Variants in SULF2 observed in about 807,000 individuals in gnomAD.
SULF2 encodes extracellular sulfatase Sulf-2.
A neutral mutation model predicts 107.7 loss-of-function variants in SULF2; 52 were observed. That is an observed-to-expected ratio of 0.48 (90% CI 0.39 to 0.61). The LOEUF is 0.61. Ranked by LOEUF, SULF2 falls within the 20% of genes least tolerant of loss-of-function variation. The pLI is 0.00. For synonymous variants in SULF2, 460 were observed against 464.3 expected (o/e 0.99, Z 0.12); for missense variants, 993 against 1,177.3 (o/e 0.84, Z 2.29).
At chr20:47,750,737 C>T (rs2146871479) in intron 2 of SULF2, among the ~76,000 whole-genome samples, 1 of 152,334 alleles carries the variant, frequency 6.6e-6, no homozygotes, top group East Asian at 1.9e-4. Flanking sequence ...CCAACCACCA[C>T]CTCCCTATTA....
intron 2 of SULF2, among the ~76,000 whole-genome samples, chr20:47,747,990 T>C (rs763310756): frequency 1.7e-4 from 26 of 152,102 alleles, no homozygotes; most frequent in Non-Finnish European, 3.7e-4. Flanking sequence ...CACCACCTGA[T>C]CTCCCTGCTT....
At chr20:47,759,226 A>G (rs2090363401) in intron 1 of SULF2, among the ~76,000 whole-genome samples, 1 of 152,112 alleles carries the variant, frequency 6.6e-6, no homozygotes, top group South Asian at 2.1e-4. Flanking sequence ...CTGGCTGCTC[A>G]TGGCTCACAG....
chr20:47,728,415 G>A (rs59771951), intron 3 of SULF2, among the ~76,000 whole-genome samples: 218 of 152,270 alleles, frequency 1.4e-3, no homozygotes, highest in African/African-American at 4.9e-3. Flanking sequence ...AGAAGAAAGA[G>A]GAGGAAAGGC....
rs182523389 is a variant in SULF2, at chr20:47,728,602, C to T, written c.415+8101G>A. 6.3e-3 allele frequency among the ~76,000 whole-genome samples: 952 copies of T among 152,212 alleles called. 37 individuals are homozygous for T. Among genetic ancestry groups the T allele is most frequent in the Admixed American group, 0.056 (857 of 15,282 alleles). On this transcript the variant is annotated intron_variant, in intron 3 of 20. Coordinates refer to ENST00000688720, the MANE Select transcript of SULF2 (RefSeq NM_001387048.1). ...GGCACTCTCTAGGCCTGGCAACCCGCGAGGGCACAGAACAGAGGCCGCTGC... is the reference window on the plus strand; with the variant it reads ...GGCACTCTCTAGGCCTGGCAACCCGTGAGGGCACAGAACAGAGGCCGCTGC...
intron 5 of SULF2, among the ~76,000 whole-genome samples, chr20:47,686,779 C>T (rs1602644481): frequency 6.6e-6 from 1 of 152,324 alleles, no homozygotes; most frequent in Admixed American, 6.5e-5. Flanking sequence ...GTCACTGTCT[C>T]CAAGGCTCCC....
At chr20:47,748,969 T>C (rs1057341827) in intron 2 of SULF2, among the ~76,000 whole-genome samples, 7 of 152,158 alleles carry the variant, frequency 4.6e-5, no homozygotes, top group African/African-American at 1.4e-4. Flanking sequence ...TGTGGCTAAG[T>C]AAATAAGATC....
chr20:47,720,952 T>C (rs1321112929), intron 3 of SULF2, among the ~76,000 whole-genome samples: 1 of 152,172 alleles, frequency 6.6e-6, no homozygotes, highest in Non-Finnish European at 1.5e-5. Flanking sequence ...AGATGTGAAA[T>C]GCCACAGGAC....
At chr20:47,760,888 C>T (rs907914100) in intron 1 of SULF2, among the ~76,000 whole-genome samples, 9 of 152,212 alleles carry the variant, frequency 5.9e-5, no homozygotes, top group East Asian at 1.9e-4. Flanking sequence ...AGAGCCACTG[C>T]GGCAACTGCC....
chr20:47,702,504 A>G lies in SULF2; in HGVS notation c.567+15T>C. 6.2e-7 allele frequency: 1 copy of G among 1,608,210 alleles called. No individual in the cohort carries two copies. The highest frequency in any genetic ancestry group is 8.5e-7 in the Non-Finnish European group (1 of 1,177,388). ...GCCACACAGCCACTCCCAGGCTGGA[A>G]AGGTTGCAGCTTACCTTGGAGTAGT... On this transcript the variant is annotated intron_variant, in intron 4 of 20. Coordinates refer to ENST00000688720, the MANE Select transcript of SULF2 (RefSeq NM_001387048.1).
At position 47,772,377 on chromosome 20, in the gene SULF2, C is replaced by A. The variant is rs887739426; in HGVS notation, c.-101+12966G>T. ...AATATCTCCAGACACTGCCAAATGT[C>A]CCCCTAGGGGGCAAAACTGCCCCTA... On this transcript the variant is annotated intron_variant, in intron 1 of 20. Coordinates refer to ENST00000688720, the MANE Select transcript of SULF2 (RefSeq NM_001387048.1). Among the ~76,000 whole-genome samples, 29 of 152,134 alleles carry A rather than the reference C, an allele frequency of 1.9e-4. 1 individual carries two copies. Among genetic ancestry groups the A allele is most frequent in the Non-Finnish European group, 5.9e-5 (4 of 67,970 alleles).
intron 2 of SULF2, among the ~76,000 whole-genome samples, chr20:47,749,287 C>G (rs545692640): frequency 3.3e-5 from 5 of 152,336 alleles, no homozygotes; most frequent in African/African-American, 1.2e-4. Context: ...TTTTCTTTTA[C>G]ATGCAGCCAA....
intron 1 of SULF2, among the ~76,000 whole-genome samples, chr20:47,765,309 G>C (rs1315142323): frequency 1.3e-5 from 2 of 151,218 alleles, no homozygotes; most frequent in South Asian, 2.1e-4. Context: ...AGCCGAGATC[G>C]AGCCACTGTA....
chr20:47,703,990 G>T (rs1399381039), intron 3 of SULF2, among the ~76,000 whole-genome samples: 1 of 152,174 alleles, frequency 6.6e-6, no homozygotes, highest in East Asian at 1.9e-4. Flanking sequence ...AATAAAAACA[G>T]TGGGTATCCT....
chr20:47,675,010 G>A (rs929235527), intron 10 of SULF2, among the ~76,000 whole-genome samples: 8 of 152,188 alleles, frequency 5.3e-5, no homozygotes, highest in Middle Eastern at 3.2e-3. Flanking sequence ...CTCTTCCTTT[G>A]GCTTCAGTGG....
chr20:47,780,980 G>GC (rs2090823008), intron 1 of SULF2, among the ~76,000 whole-genome samples: 1 of 152,200 alleles, frequency 6.6e-6, no homozygotes, highest in Non-Finnish European at 1.5e-5. Flanking sequence ...TATTGGTCAT[G>GC]CCCCCCAGCA....
At chr20:47,721,811 A>T (rs1347333339) in intron 3 of SULF2, among the ~76,000 whole-genome samples, 1 of 152,184 alleles carries the variant, frequency 6.6e-6, no homozygotes, top group Admixed American at 6.5e-5. Context: ...TGTTCTGATG[A>T]GGCTCTTTCT....
chr20:47,683,988 G>A (rs1402931571), intron 6 of SULF2, among the ~76,000 whole-genome samples: 1 of 152,172 alleles, frequency 6.6e-6, no homozygotes, highest in Admixed American at 6.5e-5. Flanking sequence ...TGGGGCTGGG[G>A]GTGAGGGAGA....
At chr20:47,753,119 A>AAG (rs2090198932) in intron 2 of SULF2, among the ~76,000 whole-genome samples, 1 of 135,342 alleles carries the variant, frequency 7.4e-6, no homozygotes, top group South Asian at 2.3e-4. Flanking sequence ...AAAAAAAAAA[A>AAG]GAAAGAAAAG....
In SULF2 at chr20:47,661,806, G is replaced by A; in HGVS notation, c.2461C>T (p.Gln821Ter). 1.3e-6 allele frequency: 2 copies of A among 1,587,104 alleles called. No individual in the cohort carries two copies. Among genetic ancestry groups the A allele is most frequent in the South Asian group, 1.1e-5 (1 of 87,930 alleles). ...ATGTTTCGAGTCCGGGGGTTACACT[G>A]CTTGTAACCCTTGCAGCTCCTCAGC... ...MELRSCKGYK[Q>*]CNPRTRNMDL... Residue 821 changes from glutamine to a stop codon, truncating the protein, a stop_gained, in exon 18 of 21, where the codon CAG becomes TAG. Transcript: ENST00000688720. LOFTEE classifies it high-confidence loss of function.
Sources: gnomAD v4.1 joint callset for allele counts (sites outside exome capture counted in the v4.1 genomes callset) on GRCh38, gnomAD v4.1.1 for gene constraint, MANE v1.5 for transcripts, NCBI Gene and HGNC (gene_info 2026-07-23, HGNC 2026-07-21) for gene names.